The following SLCO4A1 variants were observed in gnomAD, a reference collection of about 807,000 sequenced individuals.
SLCO4A1 encodes the protein colon organic anion transporter.
SLCO4A1 carries 51 observed loss-of-function variants against 64.6 expected under a neutral mutation model. The ratio of observed to expected loss-of-function variants is 0.79; its 90% CI spans 0.63 to 1.00. SLCO4A1 has a LOEUF of 1.00. SLCO4A1 is among the 50% of genes least tolerant of loss of function. The pLI, the probability that SLCO4A1 is intolerant of heterozygous loss-of-function variation, is 0.00. For missense variants in SLCO4A1, 919 were observed against 980.5 expected (o/e 0.94, Z 0.84); for synonymous variants, 471 against 444.9 (o/e 1.06, Z -0.74).
At chr20:62,658,598 C>T (rs2147081111) in intron 2 of SLCO4A1, 79 bp from the exon 3 acceptor site, 1 of 1,170,378 alleles carries the variant, frequency 8.5e-7, no homozygotes, top group Non-Finnish European at 1.2e-6. Flanking sequence ...GGGGCTTCTC[C>T]CAGGCACGGG....
At chr20:62,671,611 T>C in intron 11 of SLCO4A1, 139 bp from the exon 12 acceptor site, 1 of 738,922 alleles carries the variant, frequency 1.4e-6, no homozygotes, top group Admixed American at 2.3e-5. Flanking sequence ...AAAGATACCC[T>C]CTCAGAGCAG....
At chr20:62,659,694 A>G (rs1267273595) in intron 3 of SLCO4A1, among the ~76,000 whole-genome samples, 1 of 152,222 alleles carries the variant, frequency 6.6e-6, no homozygotes, top group African/African-American at 2.4e-5. Flanking sequence ...TGGAGCAAGC[A>G]GGTGCCGCCT....
chr20:62,689,083 T>G (rs1326197589), downstream of SLCO4A1, among the ~76,000 whole-genome samples: 1 of 152,214 alleles, frequency 6.6e-6, no homozygotes. Flanking sequence ...GGACGGTCTC[T>G]AAGGAATCAA....
chr20:62,664,913 C>T (rs1001217622), intron 5 of SLCO4A1, 21 bp from the exon 6 acceptor site: 3 of 1,573,594 alleles, frequency 1.9e-6, no homozygotes, highest in African/African-American at 2.7e-5. Context: ...GTCTCTTCTC[C>T]ACACCCCCAC....
chr20:62,655,501 C>T (rs575921850), intron 1 of SLCO4A1, among the ~76,000 whole-genome samples: 5 of 152,222 alleles, frequency 3.3e-5, no homozygotes, highest in Non-Finnish European at 7.3e-5. Context: ...TAGGGGGGAG[C>T]TGTTGCTCCA....
chr20:62,684,636 A>G (rs529222093), intron 2 of SLCO4A1, among the ~76,000 whole-genome samples: 2 of 152,192 alleles, frequency 1.3e-5, no homozygotes, highest in East Asian at 3.9e-4. Flanking sequence ...CTGGGCTGTC[A>G]TTTAAGTTTA....
At chr20:62,676,251 TA>T (rs113930880), downstream of SLCO4A1, among the ~76,000 whole-genome samples, 13 of 148,336 alleles carry the variant, frequency 8.8e-5, no homozygotes, top group South Asian at 6.4e-4. Context: ...CCTGTCTCTG[TA>T]AAAAAAAAAT....
downstream of SLCO4A1, among the ~76,000 whole-genome samples, chr20:62,686,059 C>T (rs1988049496): frequency 2.0e-5 from 3 of 152,282 alleles, no homozygotes; most frequent in South Asian, 4.1e-4. Flanking sequence ...TTCTGGACTC[C>T]GAGAGCCCCT....
downstream of SLCO4A1, among the ~76,000 whole-genome samples, chr20:62,672,999 A>G (rs1456419499): frequency 8.8e-6 from 1 of 113,464 alleles, no homozygotes; most frequent in Non-Finnish European, 2.2e-5. Context: ...TCAAAACCCA[A>G]TGCGTCGGTC....
intron 1 of SLCO4A1, among the ~76,000 whole-genome samples, chr20:62,655,897 A>G (rs1983616050): frequency 6.6e-6 from 1 of 152,218 alleles, no homozygotes; most frequent in African/African-American, 2.4e-5. Context: ...GGTGGAGTCC[A>G]TCAGGGCCAC....
intron 1 of SLCO4A1, among the ~76,000 whole-genome samples, chr20:62,643,535 C>T (rs1980784200): frequency 6.6e-6 from 1 of 152,272 alleles, no homozygotes. Flanking sequence ...GGCTATGCGT[C>T]CTGTTTCTGT....
intron 1 of SLCO4A1, among the ~76,000 whole-genome samples, chr20:62,642,847 C>CG (rs953624601): frequency 2.0e-5 from 3 of 152,194 alleles, no homozygotes; most frequent in Admixed American, 6.5e-5. Flanking sequence ...CAGCGGGTGC[C>CG]GGGGGGAAGC....
intron 6 of SLCO4A1, chr20:62,665,296 G>T: frequency 1.8e-6 from 1 of 564,978 alleles, no homozygotes. Flanking sequence ...CCCTCTTTGT[G>T]GGACATGCTC....
At chr20:62,667,636 C>A (rs1006005961) in intron 7 of SLCO4A1, 109 bp from the exon 8 acceptor site, 17 of 1,341,950 alleles carry the variant, frequency 1.3e-5, no homozygotes, top group Non-Finnish European at 1.7e-5. Context: ...AGTTTGTAGA[C>A]CCGAAATGCA....
At chr20:62,648,039 C>T (rs968799851) in intron 1 of SLCO4A1, among the ~76,000 whole-genome samples, 5 of 152,238 alleles carry the variant, frequency 3.3e-5, no homozygotes, top group East Asian at 1.9e-4. Context: ...CAGGCGCACA[C>T]GCACGCATAC....
chr20:62,668,090 A>G lies in SLCO4A1; in HGVS notation c.1717A>G (p.Thr573Ala), dbSNP rs766247169. 18 of 1,613,902 alleles carry G rather than the reference A, an allele frequency of 1.1e-5. No individual in the cohort carries two copies. The highest frequency in any genetic ancestry group is 1.7e-5 in the Admixed American group (1 of 60,010). ...GHATAGKCTS[T>A]CQRKPLLLVF... is the part of the protein sequence containing the mutation. The stretch of plus-strand genomic sequence containing the variant: ...TGCCACTGCAGGGAAATGCACTTCA[A>G]CTTGTCAGAGAAAGCCCCTCCTTCT... The change falls in exon 9 of 12, where the codon ACT becomes GCT. Residue 573 changes from threonine (T) to alanine (A), a missense_variant. By Grantham distance (58) the Thr-to-Ala change is moderately conservative. Coordinates refer to ENST00000217159, the MANE Select transcript of SLCO4A1 (RefSeq NM_016354.4).
At chr20:62,653,929 A>C (rs73613581) in intron 1 of SLCO4A1, among the ~76,000 whole-genome samples, 4 of 151,758 alleles carry the variant, frequency 2.6e-5, no homozygotes, top group South Asian at 2.1e-4. Flanking sequence ...TTAGGAGATA[A>C]ACCTAATGTA....
chr20:62,689,191 C>T (rs1988153179), downstream of SLCO4A1, among the ~76,000 whole-genome samples: 2 of 152,022 alleles, frequency 1.3e-5, no homozygotes, highest in South Asian at 2.1e-4. Flanking sequence ...GGCTGTGCCC[C>T]GCGCCTCATA....
chr20:62,653,548 C>T (rs1473606532), intron 1 of SLCO4A1, among the ~76,000 whole-genome samples: 1 of 152,264 alleles, frequency 6.6e-6, no homozygotes, highest in African/African-American at 2.4e-5. Flanking sequence ...ACTGAGGCCC[C>T]TGTGTCCCCT....
Sources: gnomAD v4.1 joint callset for allele counts (sites outside exome capture counted in the v4.1 genomes callset) on GRCh38, gnomAD v4.1.1 for gene constraint, MANE v1.5 for transcripts, NCBI Gene and HGNC (gene_info 2026-07-23, HGNC 2026-07-21) for gene names.